Variants in CEP63 observed in about 807,000 individuals in gnomAD.
CEP63 encodes centrosomal protein 63, also known as centrosomal protein of 63 kDa.
CEP63 carries 84 observed loss-of-function variants against 89.1 expected under a neutral mutation model. The ratio of observed to expected loss-of-function variants is 0.94; its 90% CI spans 0.79 to 1.13. The LOEUF is 1.13. CEP63 is among the 50% of genes most tolerant of loss of function. The pLI is 0.00. For synonymous variants in CEP63, 267 were observed against 272.5 expected, an observed-to-expected ratio of 0.98 and a Z score of 0.20; for missense variants, 838 against 813.3, an observed-to-expected ratio of 1.03 and a Z score of -0.37.
chr3:134,651,451 TAGATTCAGGAAAA>T, the CEP63 span: 11 of 1,014,714 alleles, frequency 1.1e-5, no homozygotes, highest in Non-Finnish European at 1.3e-5. Context: ...ACATTGAGAG[TAGATTCAGGAAAA>T]GGAAAGACAG....
At chr3:134,681,606 C>T in the CEP63 span, among the ~76,000 whole-genome samples, 70,469 of 151,966 alleles carry the variant, frequency 0.46, 16,738 homozygotes, top group African/African-American at 0.57. Context: ...AGGAGCCTGG[C>T]AAAAGGGGTT....
At chr3:134,757,298 A>G in the CEP63 span, among the ~76,000 whole-genome samples, 1 of 152,142 alleles carries the variant, frequency 6.6e-6, no homozygotes, top group Non-Finnish European at 1.5e-5. Context: ...TAAAAGGAGA[A>G]TGGATAGTGG....
intron 12 of CEP63, among the ~76,000 whole-genome samples, chr3:134,556,745 C>T (rs1390722245): frequency 6.6e-6 from 1 of 152,174 alleles, no homozygotes; most frequent in African/African-American, 2.4e-5. Flanking sequence ...AGTGGTAATA[C>T]TGTTCTTTCT....
chr3:134,619,077 G>T, the CEP63 span: 3 of 1,282,434 alleles, frequency 2.3e-6, no homozygotes, highest in Admixed American at 5.1e-5. Flanking sequence ...TGTGGGCAAA[G>T]GCACATGGCA....
chr3:134,699,868 C>T, the CEP63 span, among the ~76,000 whole-genome samples: 2 of 152,222 alleles, frequency 1.3e-5, no homozygotes, highest in Admixed American at 6.5e-5. Context: ...CTTCTTTGTC[C>T]TCCCTGGTGA....
At chr3:134,738,966 T>TAAAA in the CEP63 span, among the ~76,000 whole-genome samples, 1 of 146,612 alleles carries the variant, frequency 6.8e-6, no homozygotes, top group Non-Finnish European at 1.5e-5. Context: ...ATGGCTATAA[T>TAAAA]AAAAAAAAAA....
At chr3:134,719,202 T>G in the CEP63 span, among the ~76,000 whole-genome samples, 1 of 152,090 alleles carries the variant, frequency 6.6e-6, no homozygotes, top group Non-Finnish European at 1.5e-5. Context: ...AGGGTCTCTC[T>G]ATGTTGCCCA....
the CEP63 span, among the ~76,000 whole-genome samples, chr3:134,738,288 A>ACACC: frequency 1.7e-3 from 239 of 141,342 alleles, 3 homozygotes; most frequent in African/African-American, 5.8e-3. Flanking sequence ...ACACACACAC[A>ACACC]CCACAATATC....
chr3:134,489,277 C>T (rs1936828044), intron 1 of CEP63, among the ~76,000 whole-genome samples: 1 of 151,792 alleles, frequency 6.6e-6, no homozygotes, highest in Non-Finnish European at 1.5e-5. Flanking sequence ...AAAATATTTT[C>T]ATAATTGCAG....
the CEP63 span, among the ~76,000 whole-genome samples, chr3:134,693,693 C>T: frequency 6.6e-6 from 1 of 152,178 alleles, no homozygotes; most frequent in Non-Finnish European, 1.5e-5. Flanking sequence ...TTTGGGCTGG[C>T]TTCGGAGGCT....
the CEP63 span, chr3:134,650,894 G>C: frequency 6.2e-7 from 1 of 1,613,074 alleles, no homozygotes; most frequent in Non-Finnish European, 8.5e-7. Flanking sequence ...GCGGCGCGCC[G>C]CTTCTCCGAG....
At chr3:134,567,014 T>C (rs1414565107), downstream of CEP63, among the ~76,000 whole-genome samples, 4 of 152,224 alleles carry the variant, frequency 2.6e-5, no homozygotes, top group African/African-American at 9.6e-5. Context: ...GGAAGCAACC[T>C]AAATATCCAT....
intron 3 of CEP63, among the ~76,000 whole-genome samples, chr3:134,528,553 G>GGTGTGTGT (rs71139537): frequency 9.2e-6 from 1 of 108,820 alleles, no homozygotes. Context: ...CTTAAGGAGG[G>GGTGTGTGT]GTGTGTGTGT....
the CEP63 span, among the ~76,000 whole-genome samples, chr3:134,634,760 CCAA>C: frequency 6.6e-6 from 1 of 152,260 alleles, no homozygotes; most frequent in East Asian, 1.9e-4. Context: ...ATAGAGAGGG[CCAA>C]CTTTTCCTAC....
At chr3:134,608,182 G>C in the CEP63 span, 51 of 1,169,900 alleles carry the variant, frequency 4.4e-5, no homozygotes, top group Non-Finnish European at 5.4e-5. Flanking sequence ...TCCAGCAGGA[G>C]TTGGGGAAGA....
downstream of CEP63, among the ~76,000 whole-genome samples, chr3:134,566,115 C>T (rs1957746176): frequency 9.7e-6 from 1 of 103,038 alleles, no homozygotes; most frequent in Non-Finnish European, 1.9e-5. Flanking sequence ...ATAATTCAGA[C>T]ATACAATTCA....
chr3:134,540,202 G>A (rs1951705823), intron 6 of CEP63, among the ~76,000 whole-genome samples: 1 of 152,120 alleles, frequency 6.6e-6, no homozygotes, highest in Non-Finnish European at 1.5e-5. Flanking sequence ...CAGGTACTAT[G>A]CTAAGCACGT....
the CEP63 span, among the ~76,000 whole-genome samples, chr3:134,594,954 T>C: frequency 1.3e-5 from 2 of 152,234 alleles, no homozygotes; most frequent in Admixed American, 6.5e-5. Context: ...GGAGCTCAGG[T>C]GAGGTCAGGA....
At chr3:134,536,683 A>C (rs898404555) in intron 5 of CEP63, 1 of 216,812 alleles carries the variant, frequency 4.6e-6, no homozygotes. Flanking sequence ...TTAGTTTTAG[A>C]TACTGGGAAG....
Sources: allele counts gnomAD v4.1 joint callset (sites outside exome capture counted in the v4.1 genomes callset), GRCh38; gene constraint gnomAD v4.1.1; transcripts MANE v1.5; gene names NCBI Gene and HGNC (gene_info 2026-07-23, HGNC 2026-07-21).